The following WDR70 variants were observed in gnomAD, a reference collection of about 807,000 sequenced individuals.
WDR70 encodes WD repeat-containing protein 70.
WDR70 carries 53 observed loss-of-function variants against 88.6 expected under a neutral mutation model. The observed-to-expected ratio is 0.60, with a 90% CI of 0.48 to 0.75. WDR70 has a LOEUF of 0.75. Among genes scored for constraint, WDR70 ranks in the 30% least tolerant of loss-of-function variants. WDR70 has a pLI of 0.00. For synonymous variants in WDR70, 280 were observed against 270.0 expected (o/e 1.04, Z -0.36); for missense variants, 610 against 823.2 (o/e 0.74, Z 3.17).
At chr5:37,397,093 A>G (rs1749038848) in intron 5 of WDR70, among the ~76,000 whole-genome samples, 1 of 151,586 alleles carries the variant, frequency 6.6e-6, no homozygotes, top group Non-Finnish European at 1.5e-5. Context: ...AGTGAGGTCG[A>G]CAGATGGCAC....
intron 13 of WDR70, among the ~76,000 whole-genome samples, chr5:37,704,858 A>G (rs1363885546): frequency 6.6e-6 from 1 of 150,430 alleles, no homozygotes; most frequent in Non-Finnish European, 1.5e-5. Context: ...TCTTGTATAC[A>G]ATTAGAAGAT....
chr5:37,666,105 G>C (rs535688130), intron 10 of WDR70, among the ~76,000 whole-genome samples: 157 of 152,304 alleles, frequency 1.0e-3, no homozygotes, highest in Non-Finnish European at 1.9e-4. Flanking sequence ...GACTTCAAAG[G>C]GGGGCACCGC....
Position 37,560,809 on chromosome 5 carries a change from AT to A in WDR70, c.918-44236del, listed in dbSNP as rs397885116. Reference sequence around the variant, plus strand: ...ACATGAACAGGGCTTGCAGAAGCAGATTTTTTTTTTTTTTTTTTTAAGAGAC... The same window carrying A: ...ACATGAACAGGGCTTGCAGAAGCAGATTTTTTTTTTTTTTTTTTAAGAGAC... On this transcript the variant is annotated intron_variant, in intron 9 of 17. Coordinates refer to ENST00000265107, the MANE Select transcript of WDR70 (RefSeq NM_018034.4). Among the ~76,000 whole-genome samples, 580 of 130,956 alleles carry A rather than the reference AT, an allele frequency of 4.4e-3. 2 individuals are homozygous for A. The highest frequency in any genetic ancestry group is 7.2e-3 in the African/African-American group (251 of 34,806). The allele number at this position is 130,956 out of a possible 152,430, so 85.9% of individuals were successfully genotyped here.
chr5:37,481,058 T>C (rs1739649674), intron 8 of WDR70, among the ~76,000 whole-genome samples: 1 of 152,222 alleles, frequency 6.6e-6, no homozygotes. Flanking sequence ...ATGTGTCACA[T>C]CCAGGTGATG....
chr5:37,558,794 C>A (rs1289476168), intron 9 of WDR70, among the ~76,000 whole-genome samples: 1 of 152,140 alleles, frequency 6.6e-6, no homozygotes, highest in Non-Finnish European at 1.5e-5. Flanking sequence ...ACAGCGATAT[C>A]ATTTTCAAGT....
At chr5:37,472,111 A>G (rs1739344367) in intron 7 of WDR70, among the ~76,000 whole-genome samples, 1 of 151,970 alleles carries the variant, frequency 6.6e-6, no homozygotes, top group Non-Finnish European at 1.5e-5. Context: ...TGAAATTATT[A>G]GTGAATATCC....
intron 17 of WDR70, among the ~76,000 whole-genome samples, chr5:37,745,767 A>G (rs1748619977): frequency 6.6e-6 from 1 of 152,224 alleles, no homozygotes; most frequent in Admixed American, 6.5e-5. Context: ...AGGAGCACCC[A>G]CATTCATAAA....
chr5:37,713,991 A>G (rs570509852), intron 13 of WDR70, among the ~76,000 whole-genome samples: 64 of 152,356 alleles, frequency 4.2e-4, no homozygotes, highest in African/African-American at 1.5e-3. Context: ...ATCCCGGGAT[A>G]GTATTTTTCC....
At chr5:37,438,053 A>G in intron 6 of WDR70, 72 bp downstream of exon 6, 4 of 1,324,890 alleles carry the variant, frequency 3.0e-6, no homozygotes, top group Non-Finnish European at 4.2e-6. Context: ...CTGATAAGAT[A>G]CATTTGTATT....
intron 5 of WDR70, among the ~76,000 whole-genome samples, chr5:37,435,387 A>G (rs1489425640): frequency 1.3e-5 from 2 of 152,188 alleles, no homozygotes; most frequent in African/African-American, 2.4e-5. Flanking sequence ...ATTATGTTCA[A>G]ATGTGGTCAG....
chr5:37,462,227 C>A (rs906445672), intron 7 of WDR70, among the ~76,000 whole-genome samples: 1 of 151,920 alleles, frequency 6.6e-6, no homozygotes, highest in Non-Finnish European at 1.5e-5. Context: ...TTTTTTTGCA[C>A]CCTCTGGAGA....
chr5:37,745,795 T>A (rs1302801486), intron 17 of WDR70, among the ~76,000 whole-genome samples: 1 of 152,182 alleles, frequency 6.6e-6, no homozygotes, highest in African/African-American at 2.4e-5. Flanking sequence ...CTTAGGGACC[T>A]ACAAAGAGAC....
intron 9 of WDR70, among the ~76,000 whole-genome samples, chr5:37,526,871 C>T (rs1192212067): frequency 6.6e-6 from 1 of 152,058 alleles, no homozygotes; most frequent in African/African-American, 2.4e-5. Context: ...GAGTGAACTC[C>T]CATTCACAAT....
intron 9 of WDR70, among the ~76,000 whole-genome samples, chr5:37,548,579 C>G (rs1712799790): frequency 6.6e-6 from 1 of 151,998 alleles, no homozygotes; most frequent in African/African-American, 2.4e-5. Flanking sequence ...GTATTTTCTT[C>G]CATTCTGTGG....
At chr5:37,386,610 ATTTTTTTAT>A (rs1748624924) in intron 3 of WDR70, among the ~76,000 whole-genome samples, 1 of 151,896 alleles carries the variant, frequency 6.6e-6, no homozygotes, top group Admixed American at 6.6e-5. Flanking sequence ...TTTATTTTTA[ATTTTTTTAT>A]TTTCAATTTT....
At chr5:37,731,993 G>A (rs187838568) in intron 17 of WDR70, among the ~76,000 whole-genome samples, 1 of 152,226 alleles carries the variant, frequency 6.6e-6, no homozygotes, top group Non-Finnish European at 1.5e-5. Context: ...CTAATAACGA[G>A]TTATTTTGAT....
intron 10 of WDR70, among the ~76,000 whole-genome samples, chr5:37,614,783 G>A (rs530697528): frequency 6.6e-6 from 1 of 152,096 alleles, no homozygotes; most frequent in Non-Finnish European, 1.5e-5. Flanking sequence ...TTTTCTCTTC[G>A]ATATTAATGG....
At chr5:37,411,810 T>A (rs1225935356) in intron 5 of WDR70, among the ~76,000 whole-genome samples, 1 of 152,198 alleles carries the variant, frequency 6.6e-6, no homozygotes, top group Non-Finnish European at 1.5e-5. Context: ...TAAACCACAC[T>A]GTCCCAACTG....
intron 7 of WDR70, among the ~76,000 whole-genome samples, chr5:37,468,805 A>G (rs1301987602): frequency 2.0e-5 from 3 of 152,230 alleles, no homozygotes; most frequent in Non-Finnish European, 2.9e-5. Flanking sequence ...TCCTTACACA[A>G]TATAGTACAA....
Sources: allele counts gnomAD v4.1 joint callset (sites outside exome capture counted in the v4.1 genomes callset), GRCh38; gene constraint gnomAD v4.1.1; transcripts MANE v1.5; gene names NCBI Gene and HGNC (gene_info 2026-07-23, HGNC 2026-07-21).